The following CACNB4 variants were observed in gnomAD, a reference collection of about 807,000 sequenced individuals.
The protein encoded by CACNB4 is calcium voltage-gated channel auxiliary subunit beta 4.
A neutral mutation model predicts 71.2 loss-of-function variants in CACNB4; 32 were observed. The observed-to-expected ratio is 0.45, with a 90% confidence interval of 0.34 to 0.60. The LOEUF (loss-of-function observed/expected upper bound fraction) is 0.60. Ranked by LOEUF, CACNB4 falls within the 20% of genes least tolerant of loss-of-function variation. The probability of loss-of-function intolerance (pLI) is 0.01; values close to 1 mark genes in which losing one functional copy is unlikely to be tolerated. For synonymous variants in CACNB4, 231 were observed against 236.9 expected (o/e 0.97, Z 0.23); for missense variants, 464 against 647.9 (o/e 0.72, Z 3.08).
At chr2:151,930,589 G>A (rs975725312) in intron 2 of CACNB4, among the ~76,000 whole-genome samples, 6 of 152,080 alleles carry the variant, frequency 3.9e-5, no homozygotes, top group African/African-American at 1.4e-4. Context: ...TCATTAGTAG[G>A]GGATTGGTGA....
chr2:151,867,046 T>G (rs775844125), intron 9 of CACNB4: 3 of 152,240 alleles, frequency 2.0e-5, no homozygotes, highest in Non-Finnish European at 4.4e-5. Context: ...TCTTCATTCT[T>G]GAGGGCAAAC....
intron 2 of CACNB4, among the ~76,000 whole-genome samples, chr2:152,052,718 G>A (rs1189510496): frequency 2.6e-5 from 4 of 152,024 alleles, no homozygotes; most frequent in African/African-American, 9.7e-5. Flanking sequence ...GGTGGCTCAC[G>A]CCTGTAATTC....
intron 2 of CACNB4, among the ~76,000 whole-genome samples, chr2:151,993,766 T>C (rs1681864216): frequency 6.6e-6 from 1 of 151,654 alleles, no homozygotes. Context: ...GGTTTCACCA[T>C]GTTGGTCAGG....
At chr2:151,893,079 T>G (rs773982761) in intron 2 of CACNB4, among the ~76,000 whole-genome samples, 4 of 152,200 alleles carry the variant, frequency 2.6e-5, no homozygotes, top group Non-Finnish European at 5.9e-5. Flanking sequence ...TGTTTGGTAC[T>G]GGCGCAGATC....
At chr2:151,970,351 G>A (rs989877203) in intron 2 of CACNB4, 1 of 152,132 alleles carries the variant, frequency 6.6e-6, no homozygotes, top group Admixed American at 6.5e-5. Context: ...CTATTTCTGG[G>A]TGGTAGGTTT....
At chr2:151,860,640 T>G (rs1011299406) in intron 10 of CACNB4, 71 bp downstream of exon 10, 2 of 1,015,860 alleles carry the variant, frequency 2.0e-6, no homozygotes, top group African/African-American at 3.2e-5. Context: ...AAAAAGACAT[T>G]CACAAATGCA....
intron 2 of CACNB4, among the ~76,000 whole-genome samples, chr2:152,081,508 A>T (rs1483695325): frequency 6.6e-6 from 1 of 152,064 alleles, no homozygotes; most frequent in African/African-American, 2.4e-5. Context: ...AGAAAAAAAA[A>T]AGATCCTGAC....
intron 2 of CACNB4, among the ~76,000 whole-genome samples, chr2:151,900,824 T>G (rs2099853179): frequency 6.6e-6 from 1 of 151,976 alleles, no homozygotes; most frequent in East Asian, 1.9e-4. Flanking sequence ...GGTCTAAAAA[T>G]GATCAACAGG....
chr2:152,028,432 C>T (rs192128513), intron 2 of CACNB4, among the ~76,000 whole-genome samples: 1 of 152,338 alleles, frequency 6.6e-6, no homozygotes, highest in Admixed American at 6.5e-5. Context: ...TGTAACAGCA[C>T]AAGCCTAACT....
intron 2 of CACNB4, among the ~76,000 whole-genome samples, chr2:152,086,215 A>G (rs1029219783): frequency 6.6e-6 from 1 of 152,238 alleles, no homozygotes; most frequent in Non-Finnish European, 1.5e-5. Context: ...ATTTTGCATG[A>G]GCAAGAGAAA....
At chr2:152,029,222 T>C (rs1295900176) in intron 2 of CACNB4, among the ~76,000 whole-genome samples, 1 of 152,060 alleles carries the variant, frequency 6.6e-6, no homozygotes, top group Non-Finnish European at 1.5e-5. Flanking sequence ...GGGCTAGGCG[T>C]GGTGGCTCAC....
intron 2 of CACNB4, among the ~76,000 whole-genome samples, chr2:152,015,997 T>C (rs893926015): frequency 1.3e-5 from 2 of 152,258 alleles, no homozygotes; most frequent in Non-Finnish European, 2.9e-5. Flanking sequence ...AAAGCTTTTT[T>C]TTGTAGTTGC....
intron 2 of CACNB4, among the ~76,000 whole-genome samples, chr2:151,953,410 C>T (rs1225130478): frequency 1.3e-5 from 2 of 152,210 alleles, no homozygotes; most frequent in East Asian, 3.8e-4. Context: ...TCCTCCCTTC[C>T]CTGTTTTAGG....
At chr2:152,043,435 C>A (rs1684977796) in intron 2 of CACNB4, among the ~76,000 whole-genome samples, 1 of 152,144 alleles carries the variant, frequency 6.6e-6, no homozygotes. Context: ...GATCCTCCCA[C>A]CTTAGCCTCC....
rs35007488 is a variant in CACNB4, at chr2:151,884,467, CA to C, written c.148-1098del. ...TGAAATCCCGTCTCTACTAAAAATA[CA>C]AAAAAAAAAAAAAAAATTAGCCAGG... On this transcript the variant is annotated intron_variant, in intron 2 of 13. Coordinates refer to ENST00000539935, the MANE Select transcript of CACNB4 (RefSeq NM_000726.5). 3.9e-3 allele frequency among the ~76,000 whole-genome samples: 456 copies of C among 117,040 alleles called. 2 individuals carry two copies. The highest frequency in any genetic ancestry group is 8.0e-3 in the African/African-American group (251 of 31,518). The allele number at this position is 117,040 out of a possible 152,430, so 76.8% of individuals were successfully genotyped here.
In CACNB4 at chr2:151,918,865, G is replaced by A. The variant is rs866120014; in HGVS notation, c.148-35495C>T. Among the ~76,000 whole-genome samples, 51 of 152,162 alleles carry A rather than the reference G, an allele frequency of 3.4e-4. 1 individual carries two copies. The highest frequency in any genetic ancestry group is 9.2e-4 in the African/African-American group (38 of 41,416). Reference sequence around the variant, plus strand: ...ATCATGTTCACCATATCAACATTCCGACTTCATACAGATTTTATAAAATTT... The same window carrying A: ...ATCATGTTCACCATATCAACATTCCAACTTCATACAGATTTTATAAAATTT... On this transcript the variant is annotated intron_variant, in intron 2 of 13. Coordinates refer to ENST00000539935, the MANE Select transcript of CACNB4 (RefSeq NM_000726.5).
intron 2 of CACNB4, among the ~76,000 whole-genome samples, chr2:151,982,405 G>A (rs763713191): frequency 2.6e-5 from 4 of 152,032 alleles, no homozygotes; most frequent in South Asian, 2.1e-4. Flanking sequence ...AGGCCAAGGC[G>A]GGCAGATCAC....
chr2:152,060,442 G>C (rs1245244243), intron 2 of CACNB4, among the ~76,000 whole-genome samples: 1 of 152,140 alleles, frequency 6.6e-6, no homozygotes, highest in Non-Finnish European at 1.5e-5. Flanking sequence ...TACCTCCTTT[G>C]AATAGGTTCA....
chr2:152,041,021 G>A (rs532654679), intron 2 of CACNB4, among the ~76,000 whole-genome samples: 8 of 152,190 alleles, frequency 5.3e-5, no homozygotes, highest in Admixed American at 3.9e-4. Context: ...CGACTGCATC[G>A]CCTGACCTCA....
Sources: gnomAD v4.1 joint callset for allele counts (sites outside exome capture counted in the v4.1 genomes callset) on GRCh38, gnomAD v4.1.1 for gene constraint, MANE v1.5 for transcripts, NCBI Gene and HGNC (gene_info 2026-07-23, HGNC 2026-07-21) for gene names.